Variants in PRELID2 observed in about 807,000 individuals in gnomAD.
PRELID2 encodes the protein PRELI domain-containing protein 2.
PRELID2 carries 25 observed loss-of-function variants against 28.4 expected under a neutral mutation model. That is an observed-to-expected ratio of 0.88 (90% CI 0.64 to 1.23). The LOEUF (loss-of-function observed/expected upper bound fraction) is 1.23, where lower values mean the gene tolerates loss of function less well. PRELID2 is among the 50% of genes most tolerant of loss of function. The probability of loss-of-function intolerance (pLI) is 0.00; values close to 1 mark genes in which losing one functional copy is unlikely to be tolerated. For missense variants in PRELID2, 201 were observed against 214.4 expected (o/e 0.94, Z 0.39); for synonymous variants, 76 against 71.6 (o/e 1.06, Z -0.31).
the PRELID2 span, among the ~76,000 whole-genome samples, chr5:145,390,461 C>A: frequency 2.0e-5 from 3 of 152,122 alleles, no homozygotes; most frequent in Non-Finnish European, 4.4e-5. Flanking sequence ...CCAAGTGAAG[C>A]GGGGAAGCCC....
the PRELID2 span, among the ~76,000 whole-genome samples, chr5:145,375,121 C>CTAGTTTCAA: frequency 6.6e-6 from 1 of 152,068 alleles, no homozygotes; most frequent in Non-Finnish European, 1.5e-5. Flanking sequence ...GTGAGTTTGT[C>CTAGTTTCAA]TAGTTTCAAT....
intron 1 of PRELID2, among the ~76,000 whole-genome samples, chr5:145,617,229 CAT>C (rs1753711712): frequency 2.6e-5 from 4 of 152,140 alleles, no homozygotes; most frequent in Admixed American, 2.6e-4. Context: ...CCTGAGGTGA[CAT>C]ACATCCTCCT....
the PRELID2 span, among the ~76,000 whole-genome samples, chr5:145,282,180 A>G: frequency 6.6e-6 from 1 of 152,204 alleles, no homozygotes; most frequent in Non-Finnish European, 1.5e-5. Context: ...TGTTAATAAT[A>G]ATACTCATTT....
chr5:145,292,015 AT>A, the PRELID2 span, among the ~76,000 whole-genome samples: 9 of 152,076 alleles, frequency 5.9e-5, no homozygotes, highest in South Asian at 2.1e-4. Flanking sequence ...TCCTTTCATA[AT>A]TTTTTTATGT....
the PRELID2 span, among the ~76,000 whole-genome samples, chr5:145,449,665 CCCA>C: frequency 5.9e-5 from 9 of 152,116 alleles, no homozygotes; most frequent in Non-Finnish European, 1.3e-4. Context: ...CCCTCTTCTA[CCCA>C]GTATTTCCCT....
At chr5:145,511,417 A>C (rs1161003328) in intron 1 of PRELID2, among the ~76,000 whole-genome samples, 1 of 152,262 alleles carries the variant, frequency 6.6e-6, no homozygotes, top group Non-Finnish European at 1.5e-5. Context: ...CAAGGAATGG[A>C]GAGCACTCTT....
chr5:145,793,571 C>T (rs777812104), intron 5 of PRELID2, among the ~76,000 whole-genome samples: 6 of 151,778 alleles, frequency 4.0e-5, no homozygotes, highest in Non-Finnish European at 8.8e-5. Flanking sequence ...GTGGCCTCTT[C>T]GAAAAGAAAA....
chr5:145,571,037 C>A (rs541006997), intron 1 of PRELID2, among the ~76,000 whole-genome samples: 93 of 152,282 alleles, frequency 6.1e-4, no homozygotes, highest in Middle Eastern at 3.4e-3. Flanking sequence ...AATGGCAGAA[C>A]ATAATTCTAG....
intron 1 of PRELID2, among the ~76,000 whole-genome samples, chr5:145,636,262 A>G (rs1754000806): frequency 6.6e-6 from 1 of 152,238 alleles, no homozygotes; most frequent in Admixed American, 6.5e-5. Context: ...AAGAGCAGTA[A>G]TCAAACACAA....
intron 1 of PRELID2, among the ~76,000 whole-genome samples, chr5:145,736,812 G>A (rs1350217639): frequency 6.6e-6 from 1 of 152,162 alleles, no homozygotes; most frequent in East Asian, 1.9e-4. Context: ...GCACATAGGA[G>A]ATGCTCAATC....
the PRELID2 span, among the ~76,000 whole-genome samples, chr5:145,388,303 C>A: frequency 6.6e-6 from 1 of 152,088 alleles, no homozygotes; most frequent in Admixed American, 6.6e-5. Context: ...TGTAACTTGT[C>A]CCTGAAAATC....
At chr5:145,479,219 C>A (rs1226418212) in intron 1 of PRELID2, among the ~76,000 whole-genome samples, 1 of 152,198 alleles carries the variant, frequency 6.6e-6, no homozygotes, top group Non-Finnish European at 1.5e-5. Flanking sequence ...GATCCCAAAT[C>A]AGAGAGACAG....
chr5:145,747,064 C>T (rs1198068341), intron 1 of PRELID2, among the ~76,000 whole-genome samples: 1 of 151,968 alleles, frequency 6.6e-6, no homozygotes, highest in Non-Finnish European at 1.5e-5. Flanking sequence ...GCACTAAATG[C>T]CCACATTAGA....
the PRELID2 span, among the ~76,000 whole-genome samples, chr5:145,345,973 T>C: frequency 6.6e-6 from 1 of 152,044 alleles, no homozygotes; most frequent in African/African-American, 2.4e-5. Flanking sequence ...TTAAGGCAAA[T>C]TGCAAATAGC....
chr5:145,640,764 C>A (rs1031477573), intron 1 of PRELID2, among the ~76,000 whole-genome samples: 2 of 151,930 alleles, frequency 1.3e-5, no homozygotes, highest in African/African-American at 4.8e-5. Context: ...CCCCCAATAA[C>A]AAAACATATT....
intron 1 of PRELID2, among the ~76,000 whole-genome samples, chr5:145,554,506 A>G (rs1752864185): frequency 6.6e-6 from 1 of 152,218 alleles, no homozygotes; most frequent in African/African-American, 2.4e-5. Flanking sequence ...AATGGCAAAG[A>G]GAAAAGTGAG....
chr5:145,460,530 C>T, the PRELID2 span, among the ~76,000 whole-genome samples: 1,175 of 152,290 alleles, frequency 7.7e-3, 10 homozygotes, highest in African/African-American at 0.027. Context: ...TCCAACTTTA[C>T]AATCATTTAC....
At chr5:145,475,165 C>A (rs527547951) in intron 1 of PRELID2, among the ~76,000 whole-genome samples, 1 of 152,040 alleles carries the variant, frequency 6.6e-6, no homozygotes, top group Admixed American at 6.6e-5. Flanking sequence ...AGGCACTTTA[C>A]GAACACTTGT....
intron 4 of PRELID2, among the ~76,000 whole-genome samples, chr5:145,810,491 G>A (rs1753853792): frequency 6.6e-6 from 1 of 152,092 alleles, no homozygotes; most frequent in Non-Finnish European, 1.5e-5. Flanking sequence ...TAAAATACAA[G>A]TTTCCCAGTC....
Sources: gnomAD v4.1 joint callset for allele counts (sites outside exome capture counted in the v4.1 genomes callset) on GRCh38, gnomAD v4.1.1 for gene constraint, MANE v1.5 for transcripts, NCBI Gene and HGNC (gene_info 2026-07-23, HGNC 2026-07-21) for gene names.